NUFIP1: variants seen among roughly 807,000 people sequenced by gnomAD.
NUFIP1 encodes the protein nuclear FMR1 interacting protein 1, also known as FMR1-interacting protein NUFIP1.
A neutral mutation model predicts 56.2 loss-of-function variants in NUFIP1; 38 were observed. That is an observed-to-expected ratio of 0.68 (90% CI 0.52 to 0.89). NUFIP1 has a LOEUF of 0.89. Among genes scored for constraint, NUFIP1 ranks in the 40% least tolerant of loss-of-function variants. The pLI is 0.00. For synonymous variants in NUFIP1, 215 were observed against 212.4 expected (o/e 1.01, Z -0.10); for missense variants, 567 against 605.8 (o/e 0.94, Z 0.67).
rs1140993 is a variant in NUFIP1 at position 44,989,329 on chromosome 13, G to C, written c.108C>G (p.Ser36Arg). 1,178,117 of 1,612,442 alleles carry C rather than the reference G, an allele frequency of 0.73. 444,543 individuals are homozygous for C. Among genetic ancestry groups the C allele is most frequent in the Non-Finnish European group, 0.78 (922,179 of 1,179,540 alleles). ...GCGGCAGCATTGCCCAGAACATCCA[G>C]CTGTCCCGCGGCGGGGCAGTGTCGC... ...PLSDTAPPRD[S>R]WMFWAMLPPP... is the part of the protein sequence containing the mutation. Residue 36 changes from serine to arginine, a missense_variant, in exon 1 of 10, where the codon AGC (serine) becomes AGG (arginine). Transcript: ENST00000379161.
At chr13:44,941,583 A>G (rs924115224) in intron 9 of NUFIP1, among the ~76,000 whole-genome samples, 2 of 152,108 alleles carry the variant, frequency 1.3e-5, no homozygotes, top group East Asian at 1.9e-4. Context: ...GCGGGATCTC[A>G]GCTCACTGCA....
intron 5 of NUFIP1, among the ~76,000 whole-genome samples, chr13:44,966,185 A>G (rs1473741777): frequency 2.6e-5 from 4 of 152,242 alleles, no homozygotes; most frequent in Non-Finnish European, 5.9e-5. Flanking sequence ...ACTGGAATTT[A>G]AATCAAATAT....
chr13:44,954,885 C>T (rs1440111087), intron 7 of NUFIP1, among the ~76,000 whole-genome samples: 1 of 152,158 alleles, frequency 6.6e-6, no homozygotes, highest in Non-Finnish European at 1.5e-5. Context: ...TACGTGAGTG[C>T]ATAGTTAGAC....
chr13:44,957,706 T>TA (rs1871290961), intron 7 of NUFIP1, among the ~76,000 whole-genome samples: 1 of 152,056 alleles, frequency 6.6e-6, no homozygotes, highest in South Asian at 2.1e-4. Context: ...TTTTTTTTTT[T>TA]AAATAAAAAG....
In NUFIP1 at chr13:44,975,196, C is replaced by A. The variant is rs556988469; in HGVS notation, c.734+3994G>T. Among the ~76,000 whole-genome samples, 4 of 152,178 alleles carry A rather than the reference C, an allele frequency of 2.6e-5. No individual in the cohort carries two copies. The East Asian group carries it at 7.7e-4, about 29-fold the overall frequency. On this transcript the variant is annotated intron_variant, in intron 5 of 9. Transcript: ENST00000379161. ...AAGGTTCAATATTAGGCTACCTTCT[C>A]TTTTCACTCTACCCTGTCTCTGTGG...
At position 44,966,529 on chromosome 13, in the gene NUFIP1, G is replaced by A. The variant is rs530895174; in HGVS notation, c.735-593C>T. ...GGGGTTTCACCATGTTGGCCAAACT[G>A]GTCTTGAACTCCTGACCTCAGGTGA... is the stretch of plus-strand genomic sequence containing the variant. On this transcript the variant is annotated intron_variant, in intron 5 of 9. Transcript: ENST00000379161. 3.9e-5 allele frequency among the ~76,000 whole-genome samples: 6 copies of A among 151,918 alleles called. No homozygotes were observed. In the South Asian group the frequency reaches 1.3e-3, roughly 32 times the overall value.
intron 8 of NUFIP1, among the ~76,000 whole-genome samples, chr13:44,948,134 A>C (rs1193529480): frequency 6.8e-6 from 1 of 146,082 alleles, no homozygotes; most frequent in South Asian, 2.1e-4. Context: ...CCATCAAACT[A>C]CATTTCCTTT....
At chr13:44,960,240 C>T (rs1398831063) in intron 6 of NUFIP1, among the ~76,000 whole-genome samples, 2 of 151,154 alleles carry the variant, frequency 1.3e-5, no homozygotes, top group African/African-American at 4.9e-5. Context: ...CAAAGTGTTT[C>T]TCAGAGTTTA....
intron 6 of NUFIP1, among the ~76,000 whole-genome samples, chr13:44,960,035 G>T (rs942606999): frequency 1.3e-5 from 2 of 150,786 alleles, no homozygotes; most frequent in African/African-American, 4.9e-5. Context: ...AGGTTCAAGC[G>T]ATTTTCCTGC....
intron 6 of NUFIP1, 79 bp downstream of exon 6, chr13:44,965,764 GA>G: frequency 1.8e-6 from 1 of 569,454 alleles, no homozygotes; most frequent in Non-Finnish European, 2.9e-6. Context: ...CAAAAGCAAA[GA>G]TTTCATAATT....
chr13:44,941,039 T>C lies in NUFIP1; in HGVS notation c.*167A>G. 1 of 476,792 alleles carries C rather than the reference T, an allele frequency of 2.1e-6. No homozygotes were observed. The allele number at this position is 476,792 out of a possible 1,614,324, so 29.5% of individuals were successfully genotyped here. A position where few individuals can be genotyped will look rare whatever the true frequency, so the allele number is the denominator to read the frequency against. On this transcript the variant is annotated 3_prime_UTR_variant, in exon 10 of 10. Transcript: ENST00000379161. ...CTTAAAAAATCAGTTATTTTTTTATTTGCATAGAACCAAAGGAAAGACTTA... is the reference window on the plus strand; with the variant it reads ...CTTAAAAAATCAGTTATTTTTTTATCTGCATAGAACCAAAGGAAAGACTTA...
chr13:44,986,214 G>A (rs1872385575), intron 1 of NUFIP1, among the ~76,000 whole-genome samples: 1 of 152,178 alleles, frequency 6.6e-6, no homozygotes, highest in Non-Finnish European at 1.5e-5. Flanking sequence ...TAGAAAGGAG[G>A]TTTTGATTCA....
At chr13:44,945,585 C>A (rs1870878980) in intron 8 of NUFIP1, among the ~76,000 whole-genome samples, 2 of 151,976 alleles carry the variant, frequency 1.3e-5, no homozygotes, top group Non-Finnish European at 1.5e-5. Context: ...AATATTAGAT[C>A]AAATCCATCA....
intron 8 of NUFIP1, among the ~76,000 whole-genome samples, chr13:44,945,389 C>G (rs1183920087): frequency 6.6e-6 from 1 of 151,836 alleles, no homozygotes; most frequent in Admixed American, 6.6e-5. Context: ...AAACAAAATG[C>G]CAGGTTCAGA....
intron 9 of NUFIP1, among the ~76,000 whole-genome samples, chr13:44,941,828 T>C (rs1870750069): frequency 6.6e-6 from 1 of 151,946 alleles, no homozygotes; most frequent in African/African-American, 2.4e-5. Context: ...AATCTAGCTT[T>C]TTAAACAGTA....
chr13:44,967,424 C>A (rs1434135112), intron 5 of NUFIP1, among the ~76,000 whole-genome samples: 1 of 151,940 alleles, frequency 6.6e-6, no homozygotes, highest in Non-Finnish European at 1.5e-5. Context: ...AAGAGAATTG[C>A]TTGAACCCAG....
rs745844113 is a variant in NUFIP1, at chr13:44,979,251, T to G, written c.673A>C (p.Met225Leu). The G allele has an allele frequency of 6.2e-7, 1 of 1,613,376 alleles. No individual in the cohort carries two copies. Among genetic ancestry groups the G allele is most frequent in the African/African-American group, 1.3e-5 (1 of 74,902 alleles). ...GGAGTGTCTAACTTGATCTTCTTCATGCCAGGAGCATGCATCTAGGGGGAA... is the reference window on the plus strand; with the variant it reads ...GGAGTGTCTAACTTGATCTTCTTCAGGCCAGGAGCATGCATCTAGGGGGAA... ...FHWRNMHAPGMKKIKLDTPEE... is the reference protein window; with the variant it reads ...FHWRNMHAPGLKKIKLDTPEE... Residue 225 changes from methionine (M) to leucine (L), a missense_variant, in exon 5 of 10, where the codon ATG becomes CTG. By Grantham distance (15) the Met-to-Leu change is conservative (BLOSUM62 2). Transcript: ENST00000379161.
chr13:44,944,877 G>T (rs1385460552), intron 8 of NUFIP1, among the ~76,000 whole-genome samples: 1 of 151,960 alleles, frequency 6.6e-6, no homozygotes, highest in Non-Finnish European at 1.5e-5. Context: ...AAAACATAAT[G>T]TATCATATTT....
chr13:44,989,118 C>T lies in NUFIP1; in HGVS notation c.319G>A (p.Gly107Ser), dbSNP rs1872552260. 2 of 1,614,092 alleles carry T rather than the reference C, an allele frequency of 1.2e-6. No homozygotes were observed. The highest frequency in any genetic ancestry group is 4.5e-5 in the East Asian group (2 of 44,870). Residue 107 changes from glycine (G) to serine (S), a missense_variant, in exon 1 of 10, where the codon GGC becomes AGC. By Grantham distance (56) the Gly-to-Ser change is moderately conservative (BLOSUM62 0). Coordinates refer to ENST00000379161, the MANE Select transcript of NUFIP1 (RefSeq NM_012345.3). The part of the protein sequence containing the change: ...SPLDSQPQPS[G>S]QPWNFHASTS... ...GAAGCATGGAAATTCCAAGGCTGGC[C>T]GCTGGGTTGAGGCTGAGAATCAAGG...
Sources: allele counts gnomAD v4.1 joint callset (sites outside exome capture counted in the v4.1 genomes callset), GRCh38; gene constraint gnomAD v4.1.1; transcripts MANE v1.5; gene names NCBI Gene and HGNC (gene_info 2026-07-23, HGNC 2026-07-21).